Variants in ABTB3 observed in about 807,000 individuals in gnomAD.
ABTB3 encodes the protein ankyrin repeat and BTB domain containing 3.
At chr12:107,546,708 A>G in the ABTB3 span, among the ~76,000 whole-genome samples, 147 of 152,134 alleles carry the variant, frequency 9.7e-4, 2 homozygotes, top group Admixed American at 1.7e-3. Flanking sequence ...TACTAAAAAT[A>G]CAAAAAATCA....
At chr12:107,461,206 A>G in the ABTB3 span, among the ~76,000 whole-genome samples, 1 of 152,126 alleles carries the variant, frequency 6.6e-6, no homozygotes, top group Admixed American at 6.5e-5. Context: ...CCATGATACA[A>G]TTATCTCCAC....
chr12:107,557,852 G>C, the ABTB3 span, among the ~76,000 whole-genome samples: 39 of 152,312 alleles, frequency 2.6e-4, no homozygotes, highest in African/African-American at 9.4e-4. Flanking sequence ...GGCCCAGCAG[G>C]CTGGCTCCAG....
chr12:107,538,155 C>T, the ABTB3 span, among the ~76,000 whole-genome samples: 1 of 152,136 alleles, frequency 6.6e-6, no homozygotes, highest in South Asian at 2.1e-4. Flanking sequence ...GCAGAAGCAG[C>T]TTGGGATCTC....
At chr12:107,351,435 G>A in the ABTB3 span, among the ~76,000 whole-genome samples, 1 of 152,182 alleles carries the variant, frequency 6.6e-6, no homozygotes, top group Non-Finnish European at 1.5e-5. Flanking sequence ...TGTGGCGGAT[G>A]GAGGAATGGC....
chr12:107,630,893 A>T, the ABTB3 span, among the ~76,000 whole-genome samples: 1 of 152,306 alleles, frequency 6.6e-6, no homozygotes, highest in African/African-American at 2.4e-5. Flanking sequence ...ACCAATATTG[A>T]TACATTATTA....
At chr12:107,433,182 C>T in the ABTB3 span, among the ~76,000 whole-genome samples, 5 of 147,584 alleles carry the variant, frequency 3.4e-5, no homozygotes, top group Admixed American at 6.8e-5. Context: ...CCCAGCTACT[C>T]GGGAGGCTGA....
the ABTB3 span, among the ~76,000 whole-genome samples, chr12:107,351,969 A>ATGCC: frequency 6.6e-6 from 1 of 152,216 alleles, no homozygotes; most frequent in Admixed American, 6.5e-5. Flanking sequence ...TACCAATGGC[A>ATGCC]TGCCATTCTG....
At chr12:107,607,433 C>T in the ABTB3 span, among the ~76,000 whole-genome samples, 1 of 152,190 alleles carries the variant, frequency 6.6e-6, no homozygotes, top group South Asian at 2.1e-4. Context: ...TCTGTCTTCC[C>T]TGGGGAGCCT....
chr12:107,591,797 C>T, the ABTB3 span, among the ~76,000 whole-genome samples: 1 of 152,212 alleles, frequency 6.6e-6, no homozygotes, highest in African/African-American at 2.4e-5. Flanking sequence ...TCATGTCCAC[C>T]TCCATTCAGT....
the ABTB3 span, among the ~76,000 whole-genome samples, chr12:107,521,070 T>C: frequency 1.3e-5 from 2 of 152,188 alleles, no homozygotes; most frequent in Admixed American, 1.3e-4. Flanking sequence ...TGCCAGAGTA[T>C]ATTCTCAGAG....
At chr12:107,499,544 T>G in the ABTB3 span, among the ~76,000 whole-genome samples, 1 of 152,016 alleles carries the variant, frequency 6.6e-6, no homozygotes, top group South Asian at 2.1e-4. Flanking sequence ...TAAGACTGAG[T>G]AATTTATGAA....
the ABTB3 span, among the ~76,000 whole-genome samples, chr12:107,451,833 A>G: frequency 3.9e-5 from 6 of 152,212 alleles, no homozygotes; most frequent in Non-Finnish European, 7.3e-5. Flanking sequence ...ATAATACTAT[A>G]ACAATCGCTA....
the ABTB3 span, among the ~76,000 whole-genome samples, chr12:107,564,088 C>CTG: frequency 0.081 from 11,124 of 137,770 alleles, 551 homozygotes; most frequent in East Asian, 0.13. Flanking sequence ...CTATCTATCT[C>CTG]TCTGTGTGTG....
chr12:107,392,597 C>T, the ABTB3 span, among the ~76,000 whole-genome samples: 3 of 152,216 alleles, frequency 2.0e-5, no homozygotes, highest in Non-Finnish European at 4.4e-5. Context: ...ACTAATCTCT[C>T]AATGTCAGCC....
the ABTB3 span, chr12:107,649,874 C>G: frequency 6.6e-6 from 1 of 152,500 alleles, no homozygotes; most frequent in Admixed American, 6.5e-5. Flanking sequence ...GTTCTAGCCC[C>G]GCCTGTCTAG....
At chr12:107,388,105 T>G in the ABTB3 span, among the ~76,000 whole-genome samples, 3 of 151,872 alleles carry the variant, frequency 2.0e-5, no homozygotes, top group Non-Finnish European at 2.9e-5. Context: ...TCCGAGTAGC[T>G]GGGATTATAG....
chr12:107,640,218 C>T, the ABTB3 span: 11 of 663,998 alleles, frequency 1.7e-5, no homozygotes, highest in Non-Finnish European at 2.7e-5. Context: ...CCAAGATTTC[C>T]TTGCTCACTC....
chr12:107,458,150 C>A, the ABTB3 span, among the ~76,000 whole-genome samples: 1 of 152,190 alleles, frequency 6.6e-6, no homozygotes, highest in Non-Finnish European at 1.5e-5. Flanking sequence ...TGTCTAATGT[C>A]CCCCTTTTTC....
chr12:107,419,764 C>T, the ABTB3 span, among the ~76,000 whole-genome samples: 2 of 152,202 alleles, frequency 1.3e-5, no homozygotes, highest in African/African-American at 2.4e-5. Context: ...TTTACATGAT[C>T]GTCCTCATCG....
Sources: gnomAD v4.1 joint callset for allele counts (sites outside exome capture counted in the v4.1 genomes callset) on GRCh38, gnomAD v4.1.1 for gene constraint, MANE v1.5 for transcripts, NCBI Gene and HGNC (gene_info 2026-07-23, HGNC 2026-07-21) for gene names.